The following CSMD3 variants were observed in gnomAD, a reference collection of about 807,000 sequenced individuals.
CSMD3 encodes CUB and sushi domain-containing protein 3.
CSMD3 carries 177 observed loss-of-function variants against 435.2 expected under a neutral mutation model. The observed-to-expected ratio is 0.41, with a 90% confidence interval of 0.36 to 0.46. The LOEUF (loss-of-function observed/expected upper bound fraction) is 0.46, where lower values mean the gene tolerates loss of function less well. CSMD3 is among the 20% of genes least tolerant of loss of function. CSMD3 has a pLI of 0.34. For synonymous variants in CSMD3, 1,656 were observed against 1,520.5 expected (o/e 1.09, Z -2.07); for missense variants, 4,265 against 4,504.6 (o/e 0.95, Z 1.52).
At position 112,979,306 on chromosome 8, in the gene CSMD3, T is replaced by C. The variant is rs138556006; in HGVS notation, c.1031-3158A>G. ...TACATATAGTGGAACTATAAAGAAA[T>C]AACACTGATTTCCTTTTTAAGGTAA... On this transcript the variant is annotated intron_variant, in intron 6 of 70. Coordinates refer to ENST00000297405, the MANE Select transcript of CSMD3 (RefSeq NM_198123.2). Among the ~76,000 whole-genome samples the C allele has an allele frequency of 9.0e-4, 136 of 151,842 alleles. 4 individuals are homozygous for C. The East Asian group carries it at 0.024, about 27-fold the overall frequency.
chr8:113,182,900 C>G (rs1264776694), intron 3 of CSMD3, among the ~76,000 whole-genome samples: 1 of 150,142 alleles, frequency 6.7e-6, no homozygotes. Context: ...TTGTTGTTAT[C>G]GTTTTTCTAT....
At chr8:113,123,014 T>C (rs2091028316) in intron 4 of CSMD3, among the ~76,000 whole-genome samples, 1 of 151,990 alleles carries the variant, frequency 6.6e-6, no homozygotes, top group South Asian at 2.1e-4. Flanking sequence ...TTAACTTAGC[T>C]GACCAACATT....
chr8:112,240,682 T>C (rs1452127516), intron 66 of CSMD3, among the ~76,000 whole-genome samples: 4 of 152,036 alleles, frequency 2.6e-5, no homozygotes, highest in Non-Finnish European at 4.4e-5. Flanking sequence ...AAAATACTAA[T>C]ACTGAATAAG....
At chr8:113,137,642 ATG>A (rs2091449960) in intron 4 of CSMD3, among the ~76,000 whole-genome samples, 1 of 151,670 alleles carries the variant, frequency 6.6e-6, no homozygotes, top group South Asian at 2.1e-4. Context: ...CAGGAGAAAC[ATG>A]TGTCTTCACA....
rs1295858515 is a variant in CSMD3, at chr8:112,769,308, C to T, written c.1972+30854G>A. Reference sequence around the variant, plus strand: ...CTGAATTCAGGGTAAAATCCAAACACTTCTAAGACCTGCATGATCTATACA... The same window carrying T: ...CTGAATTCAGGGTAAAATCCAAACATTTCTAAGACCTGCATGATCTATACA... On this transcript the variant is annotated intron_variant, in intron 13 of 70. Transcript: ENST00000297405. Among the ~76,000 whole-genome samples, 4 of 151,944 alleles carry T rather than the reference C, an allele frequency of 2.6e-5. No homozygotes were observed. The East Asian group carries it at 7.7e-4, about 29-fold the overall frequency.
At chr8:112,403,548 T>C (rs1416021912) in intron 35 of CSMD3, among the ~76,000 whole-genome samples, 1 of 152,042 alleles carries the variant, frequency 6.6e-6, no homozygotes, top group Non-Finnish European at 1.5e-5. Flanking sequence ...GCAGATGTAG[T>C]GTTTGGTGAG....
chr8:113,354,610 C>G (rs746495196), intron 1 of CSMD3, among the ~76,000 whole-genome samples: 5 of 152,080 alleles, frequency 3.3e-5, no homozygotes, highest in Non-Finnish European at 5.9e-5. Flanking sequence ...AGTAACATAA[C>G]ATAGAAATTT....
chr8:112,387,988 C>T (rs1445492859), intron 36 of CSMD3, among the ~76,000 whole-genome samples: 1 of 152,118 alleles, frequency 6.6e-6, no homozygotes, highest in Non-Finnish European at 1.5e-5. Flanking sequence ...TTAGTAGTAA[C>T]ATTGAAATAT....
intron 12 of CSMD3, among the ~76,000 whole-genome samples, chr8:112,815,658 A>G (rs1164530110): frequency 6.6e-6 from 1 of 152,166 alleles, no homozygotes; most frequent in Non-Finnish European, 1.5e-5. Context: ...ACTAAAAATT[A>G]CTTTAGTTCA....
chr8:112,524,746 T>C (rs1053278697), intron 27 of CSMD3, among the ~76,000 whole-genome samples: 2 of 151,966 alleles, frequency 1.3e-5, no homozygotes, highest in Non-Finnish European at 2.9e-5. Flanking sequence ...TGTCTCACAA[T>C]AGTTATACAA....
rs117161859 is a variant in CSMD3, at chr8:112,989,930, T to C, written c.1031-13782A>G. ...GGAGATAATTGAATCATGGGGGCAG[T>C]TTTCCCCCTACTGTTCTTGTTCTTG... On this transcript the variant is annotated intron_variant, in intron 6 of 70. Coordinates refer to ENST00000297405, the MANE Select transcript of CSMD3 (RefSeq NM_198123.2). Among the ~76,000 whole-genome samples, 5 of 152,016 alleles carry C rather than the reference T, an allele frequency of 3.3e-5. No homozygotes were observed. In the East Asian group the frequency reaches 9.7e-4, roughly 29 times the overall value.
chr8:113,051,430 C>G (rs188164993), intron 5 of CSMD3, among the ~76,000 whole-genome samples: 1 of 152,156 alleles, frequency 6.6e-6, no homozygotes, highest in East Asian at 1.9e-4. Context: ...TAATGGTCTT[C>G]TATAGAAAAA....
chr8:113,358,129 G>A (rs1441978556), intron 1 of CSMD3, among the ~76,000 whole-genome samples: 1 of 152,110 alleles, frequency 6.6e-6, no homozygotes, highest in Non-Finnish European at 1.5e-5. Context: ...ATATAATATT[G>A]TAATGTGTTT....
At chr8:113,426,042 A>G (rs917906998) in intron 1 of CSMD3, among the ~76,000 whole-genome samples, 2 of 151,470 alleles carry the variant, frequency 1.3e-5, no homozygotes, top group Non-Finnish European at 3.0e-5. Context: ...TAGAGTATGG[A>G]ATCAATAAAT....
chr8:112,318,941 A>C lies in CSMD3; in HGVS notation c.7256T>G (p.Ile2419Ser), dbSNP rs778312818. 1 of 1,598,776 alleles carries C rather than the reference A, an allele frequency of 6.3e-7. No homozygotes were observed. The change falls in exon 47 of 71, where the codon ATT becomes AGT. Residue 2419 changes from isoleucine to serine, a missense_variant. By Grantham distance (142) the Ile-to-Ser change is moderately radical (BLOSUM62 -2). Around this residue, in one of 3 missense-constraint regions of CSMD3, gnomAD observed 3,255 missense variants for 3,380.2 expected, o/e 0.96. Coordinates refer to ENST00000297405, the MANE Select transcript of CSMD3 (RefSeq NM_198123.2). ...EDDEFEIGDI[I>S]RYQCLPGFTL... ...AAATCCTGGAAGACACTGATACCTAATAATATCACCTATTAAACAAAAGAG... is the reference window on the plus strand; with the variant it reads ...AAATCCTGGAAGACACTGATACCTACTAATATCACCTATTAAACAAAAGAG...
chr8:113,202,476 T>C (rs1009705929), intron 3 of CSMD3, among the ~76,000 whole-genome samples: 3 of 152,144 alleles, frequency 2.0e-5, no homozygotes, highest in African/African-American at 7.2e-5. Context: ...GGGGGCACTC[T>C]GAAAAAGACT....
rs1158057611 is a variant in CSMD3, at chr8:112,969,621, GT to G, written c.1342+6215del. ...ATATATTTATTTAATTCCATAAGAT[GT>G]TGTAGTTATCTAAGTTAAATTCCCA... On this transcript the variant is annotated intron_variant, in intron 7 of 70. Coordinates refer to ENST00000297405, the MANE Select transcript of CSMD3 (RefSeq NM_198123.2). 7.9e-5 allele frequency among the ~76,000 whole-genome samples: 12 copies of G among 152,028 alleles called. No individual in the cohort carries two copies. In the East Asian group the frequency reaches 2.3e-3, roughly 29 times the overall value.
intron 16 of CSMD3, among the ~76,000 whole-genome samples, chr8:112,675,446 T>C (rs924990892): frequency 2.4e-4 from 37 of 152,110 alleles, no homozygotes; most frequent in African/African-American, 8.7e-4. Flanking sequence ...AGAAGGCCAA[T>C]ATTCATTTCC....
At chr8:112,496,247 G>GC (rs2130877627) in intron 30 of CSMD3, among the ~76,000 whole-genome samples, 1 of 152,238 alleles carries the variant, frequency 6.6e-6, no homozygotes, top group African/African-American at 2.4e-5. Flanking sequence ...GGAAATATAG[G>GC]CGTGAGCTAC....
Sources: gnomAD v4.1 joint callset for allele counts (sites outside exome capture counted in the v4.1 genomes callset) on GRCh38, gnomAD v4.1.1 for gene constraint, gnomAD v4.1.1 regional missense constraint, MANE v1.5 for transcripts, NCBI Gene and HGNC (gene_info 2026-07-23, HGNC 2026-07-21) for gene names.